The following LONRF2 variants were observed in gnomAD, a reference collection of about 807,000 sequenced individuals.
LONRF2 encodes the protein LON peptidase N-terminal domain and ring finger 2, also known as LON peptidase N-terminal domain and RING finger protein 2.
Under a neutral mutation model 66.6 loss-of-function variants are expected in LONRF2, and 35 were observed. The observed-to-expected ratio is 0.53, with a 90% confidence interval of 0.40 to 0.70. The LOEUF (loss-of-function observed/expected upper bound fraction) is 0.70. Ranked by LOEUF, LONRF2 falls within the 30% of genes least tolerant of loss-of-function variation. The pLI is 0.00. For synonymous variants in LONRF2, 417 were observed against 418.1 expected (o/e 1.00, Z 0.03); for missense variants, 902 against 1,002.1 (o/e 0.90, Z 1.35).
chr2:100,284,818 T>G (rs1208794678), intron 11 of LONRF2, among the ~76,000 whole-genome samples: 2 of 152,184 alleles, frequency 1.3e-5, no homozygotes, highest in African/African-American at 2.4e-5. Flanking sequence ...ACTTTAACCT[T>G]CACTTTCCAA....
chr2:100,299,264 C>G lies in LONRF2; in HGVS notation c.1323G>C (p.Ser441=). ...CACACTCAAAGTCAGTTACATCAAGCGAGAGCCCCTGACTTTCTTCTGTCT... is the reference window on the plus strand; with the variant it reads ...CACACTCAAAGTCAGTTACATCAAGGGAGAGCCCCTGACTTTCTTCTGTCT... ...NSETEESQGL[S]LDVTDFECAL... Residue 441 remains serine, a synonymous_variant, in exon 6 of 12, where the codon TCG becomes TCC. Coordinates refer to ENST00000393437, the MANE Select transcript of LONRF2 (RefSeq NM_198461.4). 1 of 1,594,158 alleles carries G rather than the reference C, an allele frequency of 6.3e-7. No homozygotes were observed. Among genetic ancestry groups the G allele is most frequent in the Non-Finnish European group, 8.6e-7 (1 of 1,168,492 alleles).
intron 8 of LONRF2, 40 bp from the exon 9 acceptor site, chr2:100,294,427 T>C (rs1675023855): frequency 1.3e-6 from 2 of 1,509,230 alleles, no homozygotes; most frequent in Non-Finnish European, 1.8e-6. Context: ...ATGTATGAGC[T>C]GTTAGATCAG....
rs1434964090 is a variant in LONRF2 at position 100,272,185 on chromosome 2, C to T, written c.*12113G>A. Reference sequence around the variant, plus strand: ...CTTTAGTAACCAACACAAGATTGTCCTAAGAAGAAAAAGATGATCAAAGAG... The same window carrying T: ...CTTTAGTAACCAACACAAGATTGTCTTAAGAAGAAAAAGATGATCAAAGAG... On this transcript the variant is annotated 3_prime_UTR_variant, in exon 12 of 12. Transcript: ENST00000393437. Among the ~76,000 whole-genome samples, 1 of 152,130 alleles carries T rather than the reference C, an allele frequency of 6.6e-6. No homozygotes were observed. Among genetic ancestry groups the T allele is most frequent in the East Asian group, 1.9e-4 (1 of 5,202 alleles).
chr2:100,299,599 T>C, intron 5 of LONRF2, 118 bp downstream of exon 5: 2 of 770,618 alleles, frequency 2.6e-6, no homozygotes, highest in South Asian at 2.0e-5. Context: ...TTAGAGCTGA[T>C]ATAATCATTT....
chr2:100,299,693 G>A, intron 5 of LONRF2, 24 bp downstream of exon 5: 2 of 1,601,344 alleles, frequency 1.2e-6, no homozygotes, highest in Non-Finnish European at 1.7e-6. Flanking sequence ...TCACAGAACT[G>A]CCTGATGAAA....
At chr2:100,300,092 A>G (rs1259366171) in intron 4 of LONRF2, among the ~76,000 whole-genome samples, 174 bp from the exon 5 acceptor site, 1 of 152,122 alleles carries the variant, frequency 6.6e-6, no homozygotes, top group African/African-American at 2.4e-5. Context: ...TTCTTTTCAC[A>G]GTAAAATACA....
At chr2:100,307,993 C>G (rs1235746094) in intron 2 of LONRF2, among the ~76,000 whole-genome samples, 2 of 152,062 alleles carry the variant, frequency 1.3e-5, no homozygotes, top group African/African-American at 4.8e-5. Context: ...TGAGCTTAGT[C>G]CAACAAACAT....
In LONRF2 at chr2:100,280,483, A is replaced by C. The variant is rs1427799944; in HGVS notation, c.*3815T>G. On this transcript the variant is annotated 3_prime_UTR_variant, in exon 12 of 12. Transcript: ENST00000393437. ...ATGCCGCTGCTGTCTATGCTAAAAC[A>C]TGGGGAGATGGGCCGGGCACGGTGG... 6.6e-6 allele frequency: 1 copy of C among 152,278 alleles called. No individual in the cohort carries two copies. The highest frequency in any genetic ancestry group is 1.5e-5 in the Non-Finnish European group (1 of 68,162). The allele number at this position is 152,278 out of a possible 1,614,324, so 9.4% of individuals were successfully genotyped here.
At position 100,297,740 on chromosome 2, in the gene LONRF2, C is replaced by T. The variant is rs141742323; in HGVS notation, c.1476+1096G>A. Among the ~76,000 whole-genome samples, 1,053 of 152,210 alleles carry T rather than the reference C, an allele frequency of 6.9e-3. 12 individuals are homozygous for T. The highest frequency in any genetic ancestry group is 0.024 in the African/African-American group (989 of 41,524). The stretch of plus-strand genomic sequence containing the variant: ...GCACAGTCACCACTGTGACACACAG[C>T]GCACAGCACAATAATTGATGTTCAC... On this transcript the variant is annotated intron_variant, in intron 7 of 11. Coordinates refer to ENST00000393437, the MANE Select transcript of LONRF2 (RefSeq NM_198461.4).
chr2:100,308,171 C>A (rs1675334678), intron 2 of LONRF2, among the ~76,000 whole-genome samples: 2 of 151,966 alleles, frequency 1.3e-5, no homozygotes, highest in South Asian at 4.1e-4. Context: ...AGATCGAGAC[C>A]ATCCTGGCTA....
rs985615780 is a variant in LONRF2 at position 100,275,085 on chromosome 2, G to A, written c.*9213C>T. The stretch of plus-strand genomic sequence containing the variant: ...CATGTTTGCACTTTGGCTGCACCAC[G>A]TATGCTGTGTCTGCCAGTGTCTGTG... On this transcript the variant is annotated 3_prime_UTR_variant, in exon 12 of 12. Coordinates refer to ENST00000393437, the MANE Select transcript of LONRF2 (RefSeq NM_198461.4). The A allele has an allele frequency of 2.6e-5, 4 of 152,436 alleles. No homozygotes were observed. Among genetic ancestry groups the A allele is most frequent in the Admixed American group, 2.0e-4 (3 of 15,318 alleles). 9.4% of individuals were successfully genotyped at this position (152,436 alleles called of 1,614,324 possible).
In LONRF2 at chr2:100,271,910, A is replaced by G. The variant is rs1674507884; in HGVS notation, c.*12388T>C. Among the ~76,000 whole-genome samples, 1 of 152,246 alleles carries G rather than the reference A, an allele frequency of 6.6e-6. No homozygotes were observed. The highest frequency in any genetic ancestry group is 2.1e-4 in the South Asian group (1 of 4,830). ...TATGACTCCGAGCTTTATTTCCAAC[A>G]ATGTCCGTCATCACAGAAAGTTTCA... On this transcript the variant is annotated 3_prime_UTR_variant, in exon 12 of 12. Coordinates refer to ENST00000393437, the MANE Select transcript of LONRF2 (RefSeq NM_198461.4).
At chr2:100,315,285 C>A (rs766810065) in intron 1 of LONRF2, among the ~76,000 whole-genome samples, 12 of 148,114 alleles carry the variant, frequency 8.1e-5, no homozygotes, top group Non-Finnish European at 1.6e-4. Flanking sequence ...TGTTTGATAA[C>A]CTCTATATTG....
In LONRF2 at chr2:100,322,017, C is replaced by A; in HGVS notation, c.77G>T (p.Arg26Leu). 1.4e-6 allele frequency: 2 copies of A among 1,418,678 alleles called. No homozygotes were observed. The highest frequency in any genetic ancestry group is 1.5e-5 in the African/African-American group (1 of 67,250). The allele number at this position is 1,418,678 out of a possible 1,614,324, so 87.9% of individuals were successfully genotyped here. A position where few individuals can be genotyped will look rare whatever the true frequency, so the allele number is the denominator to read the frequency against. ...GAAGGCCTCGTCGCCCTCCTCTAAG[C>A]GCTGGGCGATCGGCTCCGCGCGGTC... ...GCDRAEPIAQ[R>L]LEEGDEAFRA... The change falls in exon 1 of 12, where the codon CGC becomes CTC. Residue 26 changes from arginine to leucine, a missense_variant. Around this residue, in one of 2 missense-constraint regions of LONRF2, gnomAD observed 585 missense variants for 569.9 expected, o/e 1.03. Transcript: ENST00000393437.
intron 10 of LONRF2, 68 bp downstream of exon 10, chr2:100,290,190 T>C: frequency 6.9e-7 from 1 of 1,459,646 alleles, no homozygotes; most frequent in Non-Finnish European, 9.3e-7. Flanking sequence ...TTGACAAAGC[T>C]TTTCCACAAT....
At position 100,275,661 on chromosome 2, in the gene LONRF2, A is replaced by G. The variant is rs1456333068; in HGVS notation, c.*8637T>C. On this transcript the variant is annotated 3_prime_UTR_variant, in exon 12 of 12. Coordinates refer to ENST00000393437, the MANE Select transcript of LONRF2 (RefSeq NM_198461.4). ...GAGACCAGTGGCTTGAGGTTTGAGG[A>G]AAAGGGGAAGGGGTGGGACACTTTG... 6.6e-6 allele frequency: 1 copy of G among 152,216 alleles called. No individual in the cohort carries two copies. Among genetic ancestry groups the G allele is most frequent in the East Asian group, 1.9e-4 (1 of 5,180 alleles). The allele number at this position is 152,216 out of a possible 1,614,324, so 9.4% of individuals were successfully genotyped here.
At chr2:100,298,554 T>C (rs1166827098) in intron 7 of LONRF2, among the ~76,000 whole-genome samples, 1 of 152,218 alleles carries the variant, frequency 6.6e-6, no homozygotes, top group Non-Finnish European at 1.5e-5. Context: ...GTCTCAACCA[T>C]TTACAATGAA....
chr2:100,306,051 G>T lies in LONRF2; in HGVS notation c.799-3008C>A, dbSNP rs551837887. Among the ~76,000 whole-genome samples the T allele has an allele frequency of 7.9e-5, 12 of 152,124 alleles. No homozygotes were observed. The South Asian group carries it at 2.5e-3, about 32-fold the overall frequency. ...TTATAGCTGTGCACCACCACACCTGGCTAATTTTTTCTTGGCTATTTTTTG... is the reference window on the plus strand; with the variant it reads ...TTATAGCTGTGCACCACCACACCTGTCTAATTTTTTCTTGGCTATTTTTTG... On this transcript the variant is annotated intron_variant, in intron 2 of 11. Transcript: ENST00000393437.
rs1675648922 is a variant in LONRF2 at position 100,322,062 on chromosome 2, G to A, written c.32C>T (p.Pro11Leu). The change falls in exon 1 of 12, where the codon CCG becomes CTG. Residue 11 changes from proline (P) to leucine (L), a missense_variant. By Grantham distance (98) the Pro-to-Leu change is moderately conservative. Coordinates refer to ENST00000393437, the MANE Select transcript of LONRF2 (RefSeq NM_198461.4). MSPEPVPPPP[P>L]PQCPGCDRAE... ...GCGGTCGCAGCCAGGACACTGGGGC[G>A]GCGGCGGCGGCGGGACCGGCTCGGG... is the stretch of plus-strand genomic sequence containing the variant. 1 of 1,303,942 alleles carries A rather than the reference G, an allele frequency of 7.7e-7. No individual in the cohort carries two copies. The highest frequency in any genetic ancestry group is 9.7e-7 in the Non-Finnish European group (1 of 1,027,490). 80.8% of individuals were successfully genotyped at this position (1,303,942 alleles called of 1,614,324 possible).
Sources: gnomAD v4.1 joint callset for allele counts (sites outside exome capture counted in the v4.1 genomes callset) on GRCh38, gnomAD v4.1.1 for gene constraint, gnomAD v4.1.1 regional missense constraint, MANE v1.5 for transcripts, NCBI Gene and HGNC (gene_info 2026-07-23, HGNC 2026-07-21) for gene names.